The following FGF12 variants were observed in gnomAD, a reference collection of about 807,000 sequenced individuals.
The protein encoded by FGF12 is fibroblast growth factor 12.
FGF12 carries 14 observed loss-of-function variants against 23.6 expected under a neutral mutation model. That is an observed-to-expected ratio of 0.59 (90% CI 0.39 to 0.93). FGF12 has a LOEUF of 0.93. Ranked by LOEUF, FGF12 falls within the 40% of genes least tolerant of loss-of-function variation. FGF12 has a pLI of 0.00. For synonymous variants in FGF12, 62 were observed against 77.3 expected, an observed-to-expected ratio of 0.80 and a Z score of 1.04; for missense variants, 175 against 217.8, an observed-to-expected ratio of 0.80 and a Z score of 1.24.
chr3:192,550,103 G>GTA (rs900535457), intron 2 of FGF12, among the ~76,000 whole-genome samples: 16 of 151,040 alleles, frequency 1.1e-4, no homozygotes, highest in African/African-American at 2.4e-4. Flanking sequence ...GTGTGAGTGT[G>GTA]TATATATATA....
chr3:192,181,386 C>G (rs1257413135), intron 4 of FGF12, among the ~76,000 whole-genome samples: 1 of 151,428 alleles, frequency 6.6e-6, no homozygotes, highest in Non-Finnish European at 1.5e-5. Context: ...CAGACACACA[C>G]ACACACACAC....
chr3:192,566,905 G>A (rs1180618373), intron 2 of FGF12, among the ~76,000 whole-genome samples: 1 of 152,176 alleles, frequency 6.6e-6, no homozygotes, highest in Non-Finnish European at 1.5e-5. Context: ...CAAGCAGCAA[G>A]AGCCGGCGGC....
chr3:192,272,972 G>A (rs1198291665), intron 4 of FGF12, among the ~76,000 whole-genome samples: 1 of 152,156 alleles, frequency 6.6e-6, no homozygotes, highest in Admixed American at 6.5e-5. Flanking sequence ...TAGATGAGAA[G>A]AAAATGGTGA....
At chr3:192,158,566 TTC>T (rs1714654878) in intron 5 of FGF12, among the ~76,000 whole-genome samples, 1 of 116,974 alleles carries the variant, frequency 8.5e-6, no homozygotes, top group South Asian at 3.4e-4. Context: ...CTCCCTCCCT[TTC>T]TTTCTCTTTC....
intron 2 of FGF12, among the ~76,000 whole-genome samples, chr3:192,615,046 T>A (rs866359801): frequency 1.3e-5 from 2 of 151,990 alleles, no homozygotes; most frequent in African/African-American, 2.4e-5. Flanking sequence ...TGTCCAGATA[T>A]CTACTGTGTA....
At chr3:192,193,116 A>G (rs1716890184) in intron 4 of FGF12, among the ~76,000 whole-genome samples, 1 of 152,186 alleles carries the variant, frequency 6.6e-6, no homozygotes, top group African/African-American at 2.4e-5. Context: ...TCAGAGACCA[A>G]AAAAAGTTTC....
chr3:192,374,214 G>C (rs1234097486), intron 2 of FGF12, among the ~76,000 whole-genome samples: 1 of 152,094 alleles, frequency 6.6e-6, no homozygotes, highest in Non-Finnish European at 1.5e-5. Flanking sequence ...TATAAAAACT[G>C]GTTTAATTTT....
chr3:192,496,196 C>T (rs770182717), intron 2 of FGF12, among the ~76,000 whole-genome samples: 2 of 151,952 alleles, frequency 1.3e-5, no homozygotes, highest in African/African-American at 4.8e-5. Context: ...AACTTTCCAC[C>T]CCAAGCTAAT....
At chr3:192,275,832 C>T (rs72607869) in intron 4 of FGF12, among the ~76,000 whole-genome samples, 55,159 of 152,006 alleles carry the variant, frequency 0.36, 11,090 homozygotes, top group East Asian at 0.9. Context: ...TTATAAATTA[C>T]GAGATTGGCT....
At chr3:192,477,565 T>G (rs1442165912) in intron 2 of FGF12, among the ~76,000 whole-genome samples, 1 of 152,230 alleles carries the variant, frequency 6.6e-6, no homozygotes, top group Non-Finnish European at 1.5e-5. Context: ...CTATATTTAT[T>G]TTTAAACACT....
At chr3:192,533,744 G>A (rs138322751) in intron 2 of FGF12, among the ~76,000 whole-genome samples, 3 of 152,038 alleles carry the variant, frequency 2.0e-5, no homozygotes, top group African/African-American at 7.2e-5. Context: ...CATCAGAAGC[G>A]ACCCCATTTT....
chr3:192,242,275 G>C (rs933798041), intron 4 of FGF12, among the ~76,000 whole-genome samples: 2 of 152,070 alleles, frequency 1.3e-5, no homozygotes, highest in Admixed American at 1.3e-4. Flanking sequence ...TTTCCACTTC[G>C]GTACTTAAGG....
chr3:192,545,941 G>C (rs568744036), intron 2 of FGF12, among the ~76,000 whole-genome samples: 3 of 152,114 alleles, frequency 2.0e-5, no homozygotes, highest in Non-Finnish European at 4.4e-5. Flanking sequence ...ACTGATTAAA[G>C]GCATAAGGAT....
chr3:192,687,109 G>A (rs951927105), intron 2 of FGF12, among the ~76,000 whole-genome samples: 13 of 150,310 alleles, frequency 8.6e-5, no homozygotes, highest in African/African-American at 2.9e-4. Context: ...GATTACAGGT[G>A]TGAGTCACCG....
chr3:192,598,625 T>G (rs945605824), intron 2 of FGF12, among the ~76,000 whole-genome samples: 18 of 152,132 alleles, frequency 1.2e-4, no homozygotes, highest in Admixed American at 1.2e-3. Flanking sequence ...AGGTTCTGCA[T>G]CAGTAGGCCT....
At chr3:192,601,601 T>C (rs568121438) in intron 2 of FGF12, among the ~76,000 whole-genome samples, 1 of 151,980 alleles carries the variant, frequency 6.6e-6, no homozygotes, top group East Asian at 1.9e-4. Context: ...AAGTCACTGG[T>C]TGCTAGGGGT....
At chr3:192,309,433 G>C (rs1715822128) in intron 4 of FGF12, among the ~76,000 whole-genome samples, 1 of 152,138 alleles carries the variant, frequency 6.6e-6, no homozygotes, top group African/African-American at 2.4e-5. Flanking sequence ...ATGGGGGTGA[G>C]AGAGTTTGCA....
In FGF12 at chr3:192,533,354, G is replaced by T. The variant is rs28756082; in HGVS notation, c.14-172816C>A. 2.0e-3 allele frequency among the ~76,000 whole-genome samples: 306 copies of T among 152,204 alleles called. 1 individual carries two copies. The highest frequency in any genetic ancestry group is 7.2e-3 in the African/African-American group (298 of 41,534). ...ATTCAGGTTTTTGGGGAACAAGGTG[G>T]TATTTTTTTAAAGTAATACAGTTAA... is the stretch of plus-strand genomic sequence containing the variant. On this transcript the variant is annotated intron_variant, in intron 2 of 5. Transcript: ENST00000445105.
intron 2 of FGF12, among the ~76,000 whole-genome samples, chr3:192,689,372 G>T (rs113488369): frequency 6.6e-6 from 1 of 152,010 alleles, no homozygotes; most frequent in Non-Finnish European, 1.5e-5. Flanking sequence ...AATATGTATC[G>T]TTTTAAAAGA....
Sources: allele counts gnomAD v4.1 joint callset (sites outside exome capture counted in the v4.1 genomes callset), GRCh38; gene constraint gnomAD v4.1.1; transcripts MANE v1.5; gene names NCBI Gene and HGNC (gene_info 2026-07-23, HGNC 2026-07-21).